Variants in HPSE2 observed in about 807,000 individuals in gnomAD.
HPSE2 encodes heparanase 2 (inactive), also known as inactive heparanase-2.
Under a neutral mutation model 60.5 loss-of-function variants are expected in HPSE2, and 38 were observed. The observed-to-expected ratio is 0.63, with a 90% confidence interval of 0.48 to 0.82. The LOEUF is 0.82. Among genes scored for constraint, HPSE2 ranks in the 40% least tolerant of loss-of-function variants. The pLI is 0.00. For synonymous variants in HPSE2, 295 were observed against 293.2 expected (o/e 1.01, Z -0.06); for missense variants, 713 against 740.4 (o/e 0.96, Z 0.43).
At chr10:98,600,344 C>T (rs1041030160) in intron 9 of HPSE2, among the ~76,000 whole-genome samples, 5 of 152,142 alleles carry the variant, frequency 3.3e-5, no homozygotes, top group Non-Finnish European at 7.4e-5. Context: ...TCAAGAAAAG[C>T]GTCAAGAAAG....
At chr10:98,887,893 T>C (rs1953210967) in intron 3 of HPSE2, among the ~76,000 whole-genome samples, 3 of 147,970 alleles carry the variant, frequency 2.0e-5, no homozygotes, top group Non-Finnish European at 4.5e-5. Flanking sequence ...TAAGGTACAG[T>C]TGTATACAGT....
chr10:99,217,003 T>C (rs983628638), intron 2 of HPSE2, among the ~76,000 whole-genome samples: 1 of 151,994 alleles, frequency 6.6e-6, no homozygotes, highest in Admixed American at 6.6e-5. Flanking sequence ...AAATAACCCA[T>C]AACAGTTTAT....
At chr10:99,031,523 T>C (rs1245376585) in intron 3 of HPSE2, among the ~76,000 whole-genome samples, 1 of 152,162 alleles carries the variant, frequency 6.6e-6, no homozygotes, top group Admixed American at 6.6e-5. Flanking sequence ...ATAGACACAT[T>C]TCTTCCTATT....
chr10:99,194,955 TC>T (rs1848343450), intron 2 of HPSE2, among the ~76,000 whole-genome samples: 1 of 151,780 alleles, frequency 6.6e-6, no homozygotes, highest in African/African-American at 2.4e-5. Flanking sequence ...CAGGCCAAAA[TC>T]CCTTATGAAC....
chr10:98,696,001 A>G (rs1948202163), intron 5 of HPSE2, among the ~76,000 whole-genome samples: 1 of 152,174 alleles, frequency 6.6e-6, no homozygotes, highest in Non-Finnish European at 1.5e-5. Context: ...TATCCCTGCC[A>G]TCTATGCCAC....
chr10:99,132,191 A>AAGAAAGAAAGAAAGAGAG (rs1845434293), intron 3 of HPSE2, among the ~76,000 whole-genome samples: 1 of 71,872 alleles, frequency 1.4e-5, no homozygotes, highest in Non-Finnish European at 2.6e-5. Context: ...GAAAGAAAGA[A>AAGAAAGAAAGAAAGAGAG]AGAGAGAGAG....
intron 3 of HPSE2, among the ~76,000 whole-genome samples, chr10:99,029,302 T>C (rs1199278224): frequency 6.6e-6 from 1 of 152,114 alleles, no homozygotes; most frequent in African/African-American, 2.4e-5. Flanking sequence ...TAATAATCCA[T>C]GCAGGGACCA....
At chr10:99,140,968 C>T (rs1482356097) in intron 3 of HPSE2, among the ~76,000 whole-genome samples, 1 of 152,126 alleles carries the variant, frequency 6.6e-6, no homozygotes, top group Non-Finnish European at 1.5e-5. Flanking sequence ...ACCCAGGAGG[C>T]GGAGCTTGCA....
At chr10:98,489,954 T>C in intron 10 of HPSE2, 97 bp downstream of exon 10, 1 of 1,469,062 alleles carries the variant, frequency 6.8e-7, no homozygotes, top group Non-Finnish European at 9.5e-7. Flanking sequence ...AAGTTTTTGA[T>C]AAGATTAGTG....
rs563699677 is a variant in HPSE2, at chr10:98,753,164, T to C, written c.611-9108A>G. 1.4e-4 allele frequency among the ~76,000 whole-genome samples: 22 copies of C among 152,250 alleles called. No homozygotes were observed. The East Asian group carries it at 3.5e-3, about 24-fold the overall frequency. On this transcript the variant is annotated intron_variant, in intron 3 of 11. Coordinates refer to ENST00000370552, the MANE Select transcript of HPSE2 (RefSeq NM_021828.5). ...GGCAACTATAGGTAATGATGATACA[T>C]TGTATTCTGTAAAAATGTAAAGAGA...
At chr10:99,192,131 T>C (rs1242974777) in intron 2 of HPSE2, among the ~76,000 whole-genome samples, 5 of 152,152 alleles carry the variant, frequency 3.3e-5, no homozygotes, top group Non-Finnish European at 7.4e-5. Flanking sequence ...ATGACAAATC[T>C]AAGAGCTATT....
chr10:98,913,186 A>T (rs1260906407), intron 3 of HPSE2, among the ~76,000 whole-genome samples: 1 of 152,252 alleles, frequency 6.6e-6, no homozygotes, highest in Non-Finnish European at 1.5e-5. Flanking sequence ...ATTTAGATCC[A>T]AGGTAGAGTT....
chr10:99,255,434 C>A, the HPSE2 span, among the ~76,000 whole-genome samples: 1 of 152,058 alleles, frequency 6.6e-6, no homozygotes, highest in Non-Finnish European at 1.5e-5. Flanking sequence ...AAACTACTGA[C>A]AAATAAGGAT....
chr10:98,794,210 G>C (rs1474264548), intron 3 of HPSE2, among the ~76,000 whole-genome samples: 1 of 151,542 alleles, frequency 6.6e-6, no homozygotes, highest in Non-Finnish European at 1.5e-5. Flanking sequence ...TTATAGAAAA[G>C]TTATTGAGAG....
the HPSE2 span, among the ~76,000 whole-genome samples, chr10:99,266,822 C>G: frequency 2.0e-5 from 3 of 152,154 alleles, no homozygotes; most frequent in Non-Finnish European, 4.4e-5. Context: ...TCACATCACA[C>G]GACTCTGTGC....
At chr10:98,741,727 T>G (rs940836770) in intron 4 of HPSE2, among the ~76,000 whole-genome samples, 1 of 152,210 alleles carries the variant, frequency 6.6e-6, no homozygotes, top group Non-Finnish European at 1.5e-5. Flanking sequence ...GGCAGCACAA[T>G]ATTTTTACAA....
chr10:99,079,621 G>T lies in HPSE2; in HGVS notation c.610+64617C>A, dbSNP rs576764479. Among the ~76,000 whole-genome samples the T allele has an allele frequency of 5.3e-5, 8 of 152,202 alleles. No homozygotes were observed. In the South Asian group the frequency reaches 1.0e-3, roughly 20 times the overall value. On this transcript the variant is annotated intron_variant, in intron 3 of 11. Coordinates refer to ENST00000370552, the MANE Select transcript of HPSE2 (RefSeq NM_021828.5). ...ACTGGTTCCAAGGCTGCTATAATAT[G>T]CCAGGACCTGTCAGCATCCCATAAC...
chr10:98,858,972 G>A lies in HPSE2; in HGVS notation c.611-114916C>T, dbSNP rs751928935. Reference sequence around the variant, plus strand: ...TAGTCGAGACCTCACTTTATTGCCCGGGCTGGAGTGCAGTGGCACAGTCAT... The same window carrying A: ...TAGTCGAGACCTCACTTTATTGCCCAGGCTGGAGTGCAGTGGCACAGTCAT... On this transcript the variant is annotated intron_variant, in intron 3 of 11. Transcript: ENST00000370552. 6.4e-4 allele frequency among the ~76,000 whole-genome samples: 97 copies of A among 151,860 alleles called. 1 individual carries two copies. The highest frequency in any genetic ancestry group is 1.8e-3 in the African/African-American group (75 of 41,328).
chr10:98,813,853 T>C (rs1951223276), intron 3 of HPSE2, among the ~76,000 whole-genome samples: 1 of 152,202 alleles, frequency 6.6e-6, no homozygotes, highest in African/African-American at 2.4e-5. Flanking sequence ...ATAGCCAAAT[T>C]TGCAATAAAA....
Sources: gnomAD v4.1 joint callset for allele counts (sites outside exome capture counted in the v4.1 genomes callset) on GRCh38, gnomAD v4.1.1 for gene constraint, MANE v1.5 for transcripts, NCBI Gene and HGNC (gene_info 2026-07-23, HGNC 2026-07-21) for gene names.